Variants in SARNP observed in about 807,000 individuals in gnomAD.
The protein encoded by SARNP is SAP domain containing ribonucleoprotein.
A neutral mutation model predicts 38.1 loss-of-function variants in SARNP; 5 were observed. That is an observed-to-expected ratio of 0.13 (90% confidence interval 0.07 to 0.28). The LOEUF (loss-of-function observed/expected upper bound fraction) is 0.28, where lower values mean the gene tolerates loss of function less well. Among genes scored for constraint, SARNP ranks in the 10% least tolerant of loss-of-function variants. The probability of loss-of-function intolerance (pLI) is 1.00; values close to 1 mark genes in which losing one functional copy is unlikely to be tolerated. For synonymous variants in SARNP, 84 were observed against 80.6 expected (o/e 1.04, Z -0.23); for missense variants, 180 against 243.9 (o/e 0.74, Z 1.75).
chr12:55,779,162 ATCT>A (rs890897745), intron 9 of SARNP, among the ~76,000 whole-genome samples: 5 of 152,224 alleles, frequency 3.3e-5, no homozygotes, highest in Admixed American at 1.3e-4. Context: ...CCATAGAGTT[ATCT>A]TCTTTCCTTG....
chr12:55,768,764 C>T (rs1160299491), intron 9 of SARNP, among the ~76,000 whole-genome samples: 1 of 151,578 alleles, frequency 6.6e-6, no homozygotes, highest in African/African-American at 2.4e-5. Flanking sequence ...CATTCTGTTG[C>T]CCAGGCTGCA....
At chr12:55,760,022 G>A (rs1878627204) in intron 10 of SARNP, among the ~76,000 whole-genome samples, 1 of 152,152 alleles carries the variant, frequency 6.6e-6, no homozygotes. Flanking sequence ...ACAGGCATGA[G>A]CCACCACACC....
chr12:55,778,958 G>A (rs947931206), intron 9 of SARNP, among the ~76,000 whole-genome samples: 4 of 152,128 alleles, frequency 2.6e-5, no homozygotes, highest in Admixed American at 6.6e-5. Context: ...GCGACAGGGC[G>A]AGACTGTCTC....
chr12:55,782,246 A>C (rs1879360735), intron 9 of SARNP, among the ~76,000 whole-genome samples: 1 of 152,224 alleles, frequency 6.6e-6, no homozygotes, highest in African/African-American at 2.4e-5. Flanking sequence ...TTCTACTAGT[A>C]ATCAAGAATC....
chr12:55,803,560 G>T, intron 2 of SARNP, 69 bp downstream of exon 2: 6 of 792,264 alleles, frequency 7.6e-6, no homozygotes, highest in South Asian at 2.2e-5. Context: ...AAAAAAAAAA[G>T]AAATCTTTTC....
At chr12:55,787,884 G>A (rs1317357229) in intron 9 of SARNP, among the ~76,000 whole-genome samples, 1 of 151,976 alleles carries the variant, frequency 6.6e-6, no homozygotes, top group Non-Finnish European at 1.5e-5. Flanking sequence ...GAGTAGCTGA[G>A]ACTACAGGCA....
At chr12:55,781,861 G>A (rs115063637) in intron 9 of SARNP, among the ~76,000 whole-genome samples, 1 of 152,216 alleles carries the variant, frequency 6.6e-6, no homozygotes, top group African/African-American at 2.4e-5. Context: ...TGGGACTACC[G>A]GCACTCACTA....
rs745955086 is a variant in SARNP at position 55,800,833 on chromosome 12, AC to A, written c.183+20del. The stretch of plus-strand genomic sequence containing the variant: ...AGCAGTGGCACATTACCAGAGACTA[AC>A]CTTACTCTATCCAACTCACCTCTGT... On this transcript the variant is annotated intron_variant, in intron 3 of 10. Transcript: ENST00000336133. 34 of 1,603,898 alleles carry A rather than the reference AC, an allele frequency of 2.1e-5. No individual in the cohort carries two copies. Among genetic ancestry groups the A allele is most frequent in the Non-Finnish European group, 2.7e-5 (32 of 1,170,816 alleles).
intron 9 of SARNP, among the ~76,000 whole-genome samples, chr12:55,765,509 AT>A (rs775918963): frequency 0.04 from 5,811 of 143,940 alleles, 307 homozygotes; most frequent in African/African-American, 0.13. Flanking sequence ...TGCCTGGCTA[AT>A]TTTTTTTTTT....
In SARNP at chr12:55,806,071, C is replaced by A. The variant is rs192582507; in HGVS notation, c.37-2343G>T. Reference sequence around the variant, plus strand: ...AAAAAATTATTTTTAAGGCTTTTGCCAGTTTTAAAAAAAAAAATGACTGCA... The same window carrying A: ...AAAAAATTATTTTTAAGGCTTTTGCAAGTTTTAAAAAAAAAAATGACTGCA... On this transcript the variant is annotated intron_variant, in intron 1 of 10. Transcript: ENST00000336133. Among the ~76,000 whole-genome samples, 42 of 151,086 alleles carry A rather than the reference C, an allele frequency of 2.8e-4. No homozygotes were observed. The East Asian group carries it at 7.6e-3, about 27-fold the overall frequency.
At chr12:55,803,371 C>G (rs949705018) in intron 2 of SARNP, among the ~76,000 whole-genome samples, 17 of 151,930 alleles carry the variant, frequency 1.1e-4, no homozygotes, top group Admixed American at 6.6e-4. Flanking sequence ...GTAGTCCCAG[C>G]TGCTTGGGAG....
chr12:55,810,843 G>C (rs533674754), intron 1 of SARNP, among the ~76,000 whole-genome samples: 1 of 151,670 alleles, frequency 6.6e-6, no homozygotes, highest in African/African-American at 2.4e-5. Flanking sequence ...TTGGGAGTCC[G>C]AGGCGGGCGG....
At chr12:55,809,086 G>A (rs1880246228) in intron 1 of SARNP, among the ~76,000 whole-genome samples, 1 of 152,016 alleles carries the variant, frequency 6.6e-6, no homozygotes, top group Non-Finnish European at 1.5e-5. Context: ...TGTGCCTGTA[G>A]TCCCAGCTAC....
rs771113246 is a variant in SARNP, at chr12:55,803,642, A to G, written c.123T>C (p.Tyr41=). The G allele has an allele frequency of 6.2e-7, 1 of 1,609,060 alleles. No homozygotes were observed. The highest frequency in any genetic ancestry group is 8.5e-7 in the Non-Finnish European group (1 of 1,176,122). The change falls in exon 2 of 11, where the codon TAT becomes TAC. Residue 41 remains tyrosine, a synonymous_variant. Transcript: ENST00000336133. ...KQDLIHRLQA[Y]LEEHAEEEAN... is the part of the protein sequence containing the mutation. The stretch of plus-strand genomic sequence containing the variant: ...CAAAGTACTCACCATGTTCTTCAAG[A>G]TATGCCTGGAGTCTGTGGATAAGAT...
At chr12:55,798,033 C>A (rs1399181715) in intron 4 of SARNP, among the ~76,000 whole-genome samples, 1 of 152,166 alleles carries the variant, frequency 6.6e-6, no homozygotes, top group African/African-American at 2.4e-5. Context: ...AGCCAATTAT[C>A]ATGGTATTCA....
intron 7 of SARNP, among the ~76,000 whole-genome samples, chr12:55,792,183 AT>A (rs963848399): frequency 1.6e-4 from 24 of 150,900 alleles, no homozygotes; most frequent in Admixed American, 3.3e-4. Context: ...CAGAAAAAAA[AT>A]TTTTTTTTTC....
chr12:55,770,605 GAAGT>G (rs1407751267), intron 9 of SARNP, among the ~76,000 whole-genome samples: 1 of 152,054 alleles, frequency 6.6e-6, no homozygotes, highest in Non-Finnish European at 1.5e-5. Context: ...CTGTAGCCAG[GAAGT>G]AAGTTGCAAA....
Position 55,800,608 on chromosome 12 carries a change from C to T in SARNP, c.205G>A (p.Glu69Lys). Residue 69 changes from glutamate to lysine, a missense_variant, in exon 4 of 11, where the codon GAG becomes AAG. Glu to Lys is a moderately conservative substitution (Grantham distance 56). Coordinates refer to ENST00000336133, the MANE Select transcript of SARNP (RefSeq NM_033082.4). ...ETEEEETKPIELPVKEEEPPE... is the reference protein window; with the variant it reads ...ETEEEETKPIKLPVKEEEPPE... The stretch of plus-strand genomic sequence containing the variant: ...GGTTCTTCCTCTTTGACAGGGAGCT[C>T]AATGGGCTTTGTTTCTTCTTCCTAA... 2.5e-6 allele frequency: 4 copies of T among 1,612,054 alleles called. No homozygotes were observed. The highest frequency in any genetic ancestry group is 3.4e-6 in the Non-Finnish European group (4 of 1,179,196).
In SARNP at chr12:55,789,084, G is replaced by C. The variant is rs1282977975; in HGVS notation, c.492C>G (p.Ile164Met). ...ATCGAGCCTACATTACCTTTCTGGA[G>C]ATTGAAGAGACATTCAAACCAAATC... ...AQRFGLNVSS[I>M]SRKSEDDEKL... Residue 164 changes from isoleucine (I) to methionine (M), a missense_variant, in exon 9 of 11, where the codon ATC (isoleucine) becomes ATG (methionine). By Grantham distance (10) the Ile-to-Met change is conservative. This residue lies in a region of SARNP where 161 missense variants were observed against 194.1 expected (regional missense o/e 0.83). Coordinates refer to ENST00000336133, the MANE Select transcript of SARNP (RefSeq NM_033082.4). 8.7e-6 allele frequency: 14 copies of C among 1,603,552 alleles called. No individual in the cohort carries two copies. The highest frequency in any genetic ancestry group is 1.7e-6 in the Non-Finnish European group (2 of 1,174,406).
Sources: gnomAD v4.1 joint callset for allele counts (sites outside exome capture counted in the v4.1 genomes callset) on GRCh38, gnomAD v4.1.1 for gene constraint, gnomAD v4.1.1 regional missense constraint, MANE v1.5 for transcripts, NCBI Gene and HGNC (gene_info 2026-07-23, HGNC 2026-07-21) for gene names.